The following DYRK1A variants were observed in gnomAD, a reference collection of about 807,000 sequenced individuals.
DYRK1A encodes the protein dual specificity tyrosine-phosphorylation-regulated kinase 1A.
In DYRK1A, 9 loss-of-function variants were observed where a neutral mutation model predicts 79.7. That is an observed-to-expected ratio of 0.11 (90% CI 0.07 to 0.20). DYRK1A has a LOEUF of 0.20. Among genes scored for constraint, DYRK1A ranks in the 10% least tolerant of loss-of-function variants. The pLI is 1.00. For missense variants in DYRK1A, 622 were observed against 956.0 expected, an observed-to-expected ratio of 0.65 and a Z score of 4.61; for synonymous variants, 349 against 329.7, an observed-to-expected ratio of 1.06 and a Z score of -0.63.
At chr21:37,413,832 G>A (rs1386319368) in intron 1 of DYRK1A, among the ~76,000 whole-genome samples, 3 of 152,104 alleles carry the variant, frequency 2.0e-5, no homozygotes, top group Admixed American at 2.0e-4. Flanking sequence ...AAGCATATCA[G>A]TTAAAGGACT....
chr21:37,480,033 T>C (rs1569362941), intron 4 of DYRK1A, among the ~76,000 whole-genome samples: 1 of 152,192 alleles, frequency 6.6e-6, no homozygotes, highest in South Asian at 2.1e-4. Flanking sequence ...AATCGTTATA[T>C]TTTTATAGGT....
rs769342483 is a variant in DYRK1A at position 37,472,850 on chromosome 21, T to C, written c.177T>C (p.Ser59=). The C allele has an allele frequency of 6.3e-7, 1 of 1,594,212 alleles. No individual in the cohort carries two copies. Among genetic ancestry groups the C allele is most frequent in the South Asian group, 1.1e-5 (1 of 88,720 alleles). The change falls in exon 3 of 12, where the codon TCT becomes TCC. Residue 59 remains serine, a synonymous_variant. Coordinates refer to ENST00000647188, the MANE Select transcript of DYRK1A (RefSeq NM_001347721.2). ...AACAGGTTTCTGCCTTATCATATTC[T>C]GACCAGATTCAGCAACCTCTAACTA... ...SDQQVSALSY[S]DQIQQPLTNQ... is the part of the protein sequence containing the mutation.
chr21:37,407,903 G>A (rs1005400789), intron 1 of DYRK1A, among the ~76,000 whole-genome samples: 2 of 151,974 alleles, frequency 1.3e-5, no homozygotes, highest in Non-Finnish European at 2.9e-5. Context: ...GACCTGTGTC[G>A]ATCACTCAAA....
chr21:37,398,669 G>A (rs377570395), intron 1 of DYRK1A, among the ~76,000 whole-genome samples: 8 of 152,286 alleles, frequency 5.3e-5, no homozygotes, highest in Middle Eastern at 3.4e-3. Context: ...GTACTTTGGC[G>A]ATGTCAAGTT....
At chr21:37,448,958 A>G (rs1310887140) in intron 2 of DYRK1A, among the ~76,000 whole-genome samples, 1 of 152,164 alleles carries the variant, frequency 6.6e-6, no homozygotes, top group Non-Finnish European at 1.5e-5. Context: ...TTAGCCTCCC[A>G]AAATGTTGGG....
intron 1 of DYRK1A, among the ~76,000 whole-genome samples, chr21:37,415,735 G>A (rs1159092958): frequency 6.6e-6 from 1 of 152,012 alleles, no homozygotes; most frequent in African/African-American, 2.4e-5. Flanking sequence ...CCAAAGTTCT[G>A]GGATTACAGG....
upstream of DYRK1A, among the ~76,000 whole-genome samples, chr21:37,366,736 G>A (rs1429469121): frequency 6.6e-6 from 1 of 152,018 alleles, no homozygotes; most frequent in Non-Finnish European, 1.5e-5. Context: ...CAGCACGTCA[G>A]CCGGGGTTTT....
At chr21:37,487,793 GT>G (rs1419946939) in intron 6 of DYRK1A, 2 of 151,964 alleles carry the variant, frequency 1.3e-5, no homozygotes, top group Non-Finnish European at 2.9e-5. Context: ...ATTTTTCTTA[GT>G]TTCTTTATAG....
rs903383174 is a variant in DYRK1A at position 37,490,565 on chromosome 21, T to C, written c.924+104T>C. ...GCAAAAGTAATTGCGGTTTTCGCCA[T>C]TGCAGTTGCTGTTTTTGCAGTGGCA... On this transcript the variant is annotated intron_variant, in intron 7 of 11. Transcript: ENST00000647188. 44 of 849,192 alleles carry C rather than the reference T, an allele frequency of 5.2e-5. 1 individual carries two copies. Among genetic ancestry groups the C allele is most frequent in the South Asian group, 1.1e-4 (2 of 17,640 alleles). The allele number at this position is 849,192 out of a possible 1,614,324, so 52.6% of individuals were successfully genotyped here.
chr21:37,467,766 T>C (rs913481674), intron 2 of DYRK1A, among the ~76,000 whole-genome samples: 1 of 152,202 alleles, frequency 6.6e-6, no homozygotes, highest in Non-Finnish European at 1.5e-5. Flanking sequence ...TGTTGAAAGC[T>C]TTCTTTCTAA....
At chr21:37,380,094 A>G (rs1168625881) in intron 1 of DYRK1A, among the ~76,000 whole-genome samples, 1 of 152,230 alleles carries the variant, frequency 6.6e-6, no homozygotes, top group Non-Finnish European at 1.5e-5. Context: ...TTGAAGGTCA[A>G]AAAATTTTTG....
intron 3 of DYRK1A, among the ~76,000 whole-genome samples, chr21:37,474,154 C>G (rs1390597701): frequency 6.6e-6 from 1 of 152,172 alleles, no homozygotes; most frequent in Non-Finnish European, 1.5e-5. Flanking sequence ...CTTCCTTCTT[C>G]TTAGATACAG....
In DYRK1A at chr21:37,447,680, C is replaced by T. The variant is rs141506055; in HGVS notation, c.11-25004C>T. On this transcript the variant is annotated intron_variant, in intron 2 of 11. Coordinates refer to ENST00000647188, the MANE Select transcript of DYRK1A (RefSeq NM_001347721.2). ...CATTGTACTCACGGCATTATACTCA[C>T]GGCCATGGTGCAGCTGCAGACTTAG... Among the ~76,000 whole-genome samples the T allele has an allele frequency of 3.9e-5, 6 of 152,270 alleles. No individual in the cohort carries two copies. The South Asian group carries it at 6.2e-4, about 16-fold the overall frequency.
At position 37,366,872 on chromosome 21, in the gene DYRK1A, G is replaced by C. The variant is rs915222605; in HGVS notation, c.-833G>C. ...AAAAAGCCCCATTGGAGTGAGGCGG[G>C]GGTGGCGGCGGCAACCGCGGCGGGG... On this transcript the variant is annotated 5_prime_UTR_variant, in exon 1 of 12. Transcript: ENST00000647188. 4 of 153,002 alleles carry C rather than the reference G, an allele frequency of 2.6e-5. No individual in the cohort carries two copies. The South Asian group carries it at 8.0e-4, about 31-fold the overall frequency. The allele number at this position is 153,002 out of a possible 1,614,324, so 9.5% of individuals were successfully genotyped here. A position where few individuals can be genotyped will look rare whatever the true frequency, so the allele number is the denominator to read the frequency against.
At chr21:37,371,584 A>C (rs2835705) in intron 1 of DYRK1A, among the ~76,000 whole-genome samples, 106 of 152,252 alleles carry the variant, frequency 7.0e-4, no homozygotes, top group African/African-American at 2.2e-3. Context: ...AGAGCTATGT[A>C]TCTTCTCTTC....
At chr21:37,511,406 G>C (rs1041641292) in intron 11 of DYRK1A, among the ~76,000 whole-genome samples, 1 of 152,186 alleles carries the variant, frequency 6.6e-6, no homozygotes, top group Non-Finnish European at 1.5e-5. Context: ...GAGATGATGG[G>C]GATGAAGAGA....
At chr21:37,385,385 G>A (rs73216416) in intron 1 of DYRK1A, among the ~76,000 whole-genome samples, 11,834 of 152,208 alleles carry the variant, frequency 0.078, 693 homozygotes, top group Non-Finnish European at 0.12. Context: ...AAGCTCATAT[G>A]GTTGTTGGCA....
chr21:37,506,433 C>T, intron 11 of DYRK1A: 1 of 1,415,188 alleles, frequency 7.1e-7, no homozygotes, highest in Non-Finnish European at 9.5e-7. Flanking sequence ...TTATTGGGGG[C>T]ATAACAGTTG....
At chr21:37,405,756 A>G (rs1382062171) in intron 1 of DYRK1A, among the ~76,000 whole-genome samples, 1 of 152,148 alleles carries the variant, frequency 6.6e-6, no homozygotes, top group East Asian at 1.9e-4. Context: ...GTGTGTGCGT[A>G]GTCATACATT....
Sources: gnomAD v4.1 joint callset for allele counts (sites outside exome capture counted in the v4.1 genomes callset) on GRCh38, gnomAD v4.1.1 for gene constraint, MANE v1.5 for transcripts, NCBI Gene and HGNC (gene_info 2026-07-23, HGNC 2026-07-21) for gene names.